SNRPE: variants seen among roughly 807,000 people sequenced by gnomAD.
The protein encoded by SNRPE is small nuclear ribonucleoprotein polypeptide E, also known as small nuclear ribonucleoprotein E.
For missense variants in SNRPE, 53 were observed against 111.6 expected (o/e 0.48, Z 2.36); for synonymous variants, 35 against 36.7 (o/e 0.95, Z 0.17).
At chr1:203,863,355 G>C (rs1572402787) in intron 2 of SNRPE, among the ~76,000 whole-genome samples, 1 of 152,016 alleles carries the variant, frequency 6.6e-6, no homozygotes, top group South Asian at 2.1e-4. Context: ...GAGTCTCACT[G>C]TGCCCAGGCT....
chr1:203,866,106 A>G (rs1459817747), intron 4 of SNRPE, among the ~76,000 whole-genome samples: 3 of 152,224 alleles, frequency 2.0e-5, no homozygotes, highest in Non-Finnish European at 4.4e-5. Context: ...AAAGTCCGAC[A>G]TCACTAATGC....
At chr1:203,868,126 G>T (rs1173502471) in intron 4 of SNRPE, among the ~76,000 whole-genome samples, 1 of 152,024 alleles carries the variant, frequency 6.6e-6, no homozygotes, top group Non-Finnish European at 1.5e-5. Context: ...CGTGATTTTG[G>T]CTCACTGCAA....
At chr1:203,863,614 C>A (rs773402053) in intron 2 of SNRPE, 49 bp from the exon 3 acceptor site, 4 of 1,403,984 alleles carry the variant, frequency 2.8e-6, no homozygotes, top group Non-Finnish European at 3.0e-6. Context: ...CCACCGCGCC[C>A]GGCCCTATTT....
chr1:203,867,527 GGTGATGGGAGACA>G (rs748732616), intron 4 of SNRPE, among the ~76,000 whole-genome samples: 5 of 152,164 alleles, frequency 3.3e-5, no homozygotes, highest in Non-Finnish European at 5.9e-5. Context: ...CCCATCTGGG[GGTGATGGGAGACA>G]GTGACAGATC....
At chr1:203,869,447 C>T (rs1271071946) in intron 4 of SNRPE, among the ~76,000 whole-genome samples, 1 of 151,902 alleles carries the variant, frequency 6.6e-6, no homozygotes, top group Admixed American at 6.6e-5. Flanking sequence ...GCTGGGATTA[C>T]AGGCACGCGC....
intron 1 of SNRPE, 28 bp from the exon 2 acceptor site, chr1:203,862,168 T>C (rs771989228): frequency 2.5e-6 from 4 of 1,593,220 alleles, no homozygotes; most frequent in Non-Finnish European, 3.4e-6. Context: ...GCTGCTTTTG[T>C]ATTTTTTCCT....
intron 4 of SNRPE, among the ~76,000 whole-genome samples, chr1:203,867,279 CAAAAAAA>C (rs200904781): frequency 1.5e-4 from 21 of 142,632 alleles, no homozygotes; most frequent in Admixed American, 1.4e-4. Context: ...GACTCTGTCT[CAAAAAAA>C]AAAAAAAAAA....
At chr1:203,863,191 G>C (rs986834794) in intron 2 of SNRPE, among the ~76,000 whole-genome samples, 1 of 106,204 alleles carries the variant, frequency 9.4e-6, no homozygotes, top group East Asian at 3.4e-4. Context: ...CAATTTTTTG[G>C]GGGGCGGGGG....
At chr1:203,863,540 C>G (rs1303186799) in intron 2 of SNRPE, 123 bp from the exon 3 acceptor site, 1 of 700,232 alleles carries the variant, frequency 1.4e-6, no homozygotes, top group Non-Finnish European at 2.6e-6. Flanking sequence ...AGGATGGTCT[C>G]TATCTCTTGA....
intron 2 of SNRPE, among the ~76,000 whole-genome samples, chr1:203,863,330 C>CT (rs923015420): frequency 9.9e-5 from 15 of 151,654 alleles, no homozygotes; most frequent in South Asian, 2.1e-4. Context: ...TTTTTCTTTT[C>CT]TTTTTTTTGA....
chr1:203,863,809 A>G, intron 3 of SNRPE, 84 bp downstream of exon 3: 2 of 945,718 alleles, frequency 2.1e-6, no homozygotes, highest in Non-Finnish European at 3.3e-6. Flanking sequence ...AACAGTGTAT[A>G]AAAAGTCAAA....
At chr1:203,865,923 G>T (rs1690078216) in intron 4 of SNRPE, among the ~76,000 whole-genome samples, 1 of 152,162 alleles carries the variant, frequency 6.6e-6, no homozygotes, top group Non-Finnish European at 1.5e-5. Context: ...AAGCTTTTGT[G>T]CCCTCTGCAA....
At chr1:203,862,977 C>G (rs1690006696) in intron 2 of SNRPE, among the ~76,000 whole-genome samples, 1 of 151,564 alleles carries the variant, frequency 6.6e-6, no homozygotes, top group African/African-American at 2.4e-5. Flanking sequence ...ATATTGAGTC[C>G]CAAAATCACA....
In SNRPE at chr1:203,867,123, A is replaced by AC. The variant is rs34362905; in HGVS notation, c.223+2004_223+2005insC. ...GTCTTTCCTGAAAAAAAAAAAAAAA[A>AC]AAAAAAATTAGCTGGGCATGGTGGC... is the stretch of plus-strand genomic sequence containing the variant. On this transcript the variant is annotated intron_variant, in intron 4 of 4. Transcript: ENST00000414487. Among the ~76,000 whole-genome samples the AC allele has an allele frequency of 2.0e-3, 283 of 141,334 alleles. 4 individuals carry two copies. Among genetic ancestry groups the AC allele is most frequent in the African/African-American group, 6.5e-3 (247 of 37,794 alleles). 92.7% of individuals were successfully genotyped at this position (141,334 alleles called of 152,430 possible). A position where few individuals can be genotyped will look rare whatever the true frequency, so the allele number is the denominator to read the frequency against.
At chr1:203,868,988 A>T (rs1209051981) in intron 4 of SNRPE, among the ~76,000 whole-genome samples, 2 of 152,226 alleles carry the variant, frequency 1.3e-5, no homozygotes, top group Non-Finnish European at 2.9e-5. Flanking sequence ...AGATTTAAAG[A>T]TGTCTTGCCA....
At chr1:203,863,359 C>G (rs1289341496) in intron 2 of SNRPE, among the ~76,000 whole-genome samples, 1 of 152,118 alleles carries the variant, frequency 6.6e-6, no homozygotes, top group Non-Finnish European at 1.5e-5. Context: ...CTCACTGTGC[C>G]CAGGCTGGAG....
intron 4 of SNRPE, among the ~76,000 whole-genome samples, chr1:203,867,654 T>C (rs371562371): frequency 3.1e-4 from 47 of 152,198 alleles, no homozygotes; most frequent in African/African-American, 1.1e-3. Context: ...TCCACTGATA[T>C]GACAGGAGGC....
chr1:203,862,488 C>T (rs1408838030), intron 2 of SNRPE, among the ~76,000 whole-genome samples: 1 of 152,144 alleles, frequency 6.6e-6, no homozygotes, highest in Non-Finnish European at 1.5e-5. Flanking sequence ...GTATTATTAG[C>T]AGACTTGACC....
chr1:203,868,896 T>C (rs192571423), intron 4 of SNRPE, among the ~76,000 whole-genome samples: 6 of 152,170 alleles, frequency 3.9e-5, no homozygotes, highest in Non-Finnish European at 7.4e-5. Flanking sequence ...TCTCGAATCC[T>C]AAGCTCAGGC....
Sources: allele counts gnomAD v4.1 joint callset (sites outside exome capture counted in the v4.1 genomes callset), GRCh38; gene constraint gnomAD v4.1.1; transcripts MANE v1.5; gene names NCBI Gene and HGNC (gene_info 2026-07-23, HGNC 2026-07-21).